ZNF114: variants seen among roughly 807,000 people sequenced by gnomAD.
The protein encoded by ZNF114 is zinc finger protein 114.
ZNF114 carries 8 observed loss-of-function variants against 6.8 expected under a neutral mutation model. The observed-to-expected ratio is 1.18, with a 90% confidence interval of 0.69 to 2.13. The LOEUF (loss-of-function observed/expected upper bound fraction) is 2.13. ZNF114 is among the 30% of genes most tolerant of loss of function. ZNF114 has a pLI of 0.00. For synonymous variants in ZNF114, 169 were observed against 185.5 expected (o/e 0.91, Z 0.72); for missense variants, 472 against 519.5 (o/e 0.91, Z 0.89).
chr19:48,277,794 G>GGGGGGTGTGTGTGTGTGTGTGT (rs1330052475), intron 3 of ZNF114, among the ~76,000 whole-genome samples: 73 of 119,406 alleles, frequency 6.1e-4, no homozygotes, highest in South Asian at 2.8e-3. Context: ...GGAGGCATTG[G>GGGGGGTGTGTGTGTGTGTGTGT]GTGTGTGTGT....
At chr19:48,273,204 G>A (rs961410606) in intron 3 of ZNF114, among the ~76,000 whole-genome samples, 9 of 152,182 alleles carry the variant, frequency 5.9e-5, no homozygotes, top group African/African-American at 2.2e-4. Flanking sequence ...AAGGAGAGTG[G>A]TGTGAAGGTG....
Position 48,279,730 on chromosome 19 carries a change from G to T in ZNF114, c.-69-1G>T. 1 of 1,610,400 alleles carries T rather than the reference G, an allele frequency of 6.2e-7. No individual in the cohort carries two copies. The highest frequency in any genetic ancestry group is 1.3e-5 in the African/African-American group (1 of 74,958). On this transcript the variant is annotated splice_acceptor_variant, in intron 3 of 5. Coordinates refer to ENST00000595607, the MANE Select transcript of ZNF114 (RefSeq NM_153608.4). LOFTEE classifies it low-confidence loss of function (5UTR_SPLICE). ...TCTCATAGCTCCATTCTTCTCCCAAGCTCTGCCTCACCTGCCTCCTTGAAG... is the reference window on the plus strand; with the variant it reads ...TCTCATAGCTCCATTCTTCTCCCAATCTCTGCCTCACCTGCCTCCTTGAAG...
intron 3 of ZNF114, among the ~76,000 whole-genome samples, chr19:48,273,757 C>CTTTTTT (rs779316334): frequency 7.9e-6 from 1 of 127,132 alleles, no homozygotes; most frequent in Non-Finnish European, 1.6e-5. Context: ...TGGGGCTTTT[C>CTTTTTT]TTTTTTTTTT....
chr19:48,285,666 AAGAG>A lies in ZNF114; in HGVS notation c.137-91_137-88del, dbSNP rs544462398. On this transcript the variant is annotated intron_variant, in intron 5 of 5. Coordinates refer to ENST00000595607, the MANE Select transcript of ZNF114 (RefSeq NM_153608.4). ...AGGGAGGGAAAGAAAGAAAGAAAGA[AAGAG>A]AGAAATCCACACGGAGATTGCCTAT... The A allele has an allele frequency of 4.5e-6, 6 of 1,348,282 alleles. No homozygotes were observed. The African/African-American group carries it at 6.0e-5, about 13-fold the overall frequency. 83.5% of individuals were successfully genotyped at this position (1,348,282 alleles called of 1,614,324 possible). A position where few individuals can be genotyped will look rare whatever the true frequency, so the allele number is the denominator to read the frequency against.
chr19:48,283,485 A>T (rs551765106), intron 5 of ZNF114, among the ~76,000 whole-genome samples: 1 of 152,234 alleles, frequency 6.6e-6, no homozygotes, highest in East Asian at 1.9e-4. Context: ...ATTTGGAGCA[A>T]GAAGTGGTCT....
chr19:48,275,311 C>T (rs1408267800), intron 3 of ZNF114, among the ~76,000 whole-genome samples: 6 of 149,886 alleles, frequency 4.0e-5, no homozygotes, highest in Non-Finnish European at 7.4e-5. Context: ...GTTGGTCAGG[C>T]TTCGTGGCTT....
intron 5 of ZNF114, 126 bp from the exon 6 acceptor site, chr19:48,285,635 C>T (rs1224874668): frequency 3.1e-5 from 32 of 1,044,660 alleles, no homozygotes; most frequent in Middle Eastern, 2.5e-4. Flanking sequence ...ATGGAAGGAG[C>T]GAGGGAGGGA....
In ZNF114 at chr19:48,282,376, G is replaced by A. The variant is rs369749924; in HGVS notation, c.15G>A (p.Ser5=). Reference sequence around the variant, plus strand: ...AACTGCATGTGTTATTTTAGGACTCGGTGACCTTCGCAGACGTGGCTGTGA... The same window carrying A: ...AACTGCATGTGTTATTTTAGGACTCAGTGACCTTCGCAGACGTGGCTGTGA... MSQD[S]VTFADVAVNF... Residue 5 remains serine, a synonymous_variant, in exon 5 of 6, where the codon TCG becomes TCA. Coordinates refer to ENST00000595607, the MANE Select transcript of ZNF114 (RefSeq NM_153608.4). 79 of 1,612,350 alleles carry A rather than the reference G, an allele frequency of 4.9e-5. No homozygotes were observed. In the South Asian group the frequency reaches 6.1e-4, roughly 12 times the overall value.
At position 48,282,462 on chromosome 19, in the gene ZNF114, T is replaced by G; in HGVS notation, c.101T>G (p.Val34Gly). Residue 34 changes from valine to glycine, a missense_variant, in exon 5 of 6, where the codon GTG (valine) becomes GGG (glycine). Physicochemically the swap from Val to Gly is moderately radical, Grantham distance 109. Transcript: ENST00000595607. ...DPAQRNLYRD[V>G]MLENSRNLAF... Reference sequence around the variant, plus strand: ...GCTCAGAGGAATCTCTACAGAGACGTGATGCTGGAAAATTCTAGGAACTTG... The same window carrying G: ...GCTCAGAGGAATCTCTACAGAGACGGGATGCTGGAAAATTCTAGGAACTTG... The G allele has an allele frequency of 6.2e-7, 1 of 1,610,474 alleles. No homozygotes were observed.
rs778029225 is a variant in ZNF114 at position 48,286,060 on chromosome 19, A to G, written c.436A>G (p.Ile146Val). 1.9e-5 allele frequency: 31 copies of G among 1,613,984 alleles called. No individual in the cohort carries two copies. In the Middle Eastern group the frequency reaches 6.6e-4, roughly 34 times the overall value. ...GCTTGTGCCTTCACAGGGAGATTCC[A>G]TAAGACAATGTATCCTAACACGTGA... ...CRLVPSQGDS[I>V]RQCILTRDSS... The change falls in exon 6 of 6, where the codon ATA (isoleucine) becomes GTA (valine). Residue 146 changes from isoleucine (I) to valine (V), a missense_variant. Physicochemically the swap from Ile to Val is conservative, Grantham distance 29. Transcript: ENST00000595607.
chr19:48,270,761 GAGAA>G (rs142099276), intron 1 of ZNF114, among the ~76,000 whole-genome samples: 102,740 of 149,712 alleles, frequency 0.69, 35,614 homozygotes, highest in East Asian at 0.76. Flanking sequence ...AGAGAAAAAA[GAGAA>G]AGAAAGAAAG....
chr19:48,275,128 T>TGA (rs1342034883), intron 3 of ZNF114, among the ~76,000 whole-genome samples: 2 of 130,232 alleles, frequency 1.5e-5, no homozygotes, highest in East Asian at 4.7e-4. Flanking sequence ...GGCAGCAGAG[T>TGA]GAGACCCTGT....
At chr19:48,271,142 G>A (rs1389833364) in intron 1 of ZNF114, 103 bp from the exon 2 acceptor site, 3 of 152,262 alleles carry the variant, frequency 2.0e-5, no homozygotes, top group Non-Finnish European at 4.4e-5. Flanking sequence ...TTGCGGTTTA[G>A]CCGCTAGTCA....
chr19:48,286,131 A>C lies in ZNF114; in HGVS notation c.507A>C (p.Lys169Asn). 2 of 1,614,198 alleles carry C rather than the reference A, an allele frequency of 1.2e-6. No homozygotes were observed. Among genetic ancestry groups the C allele is most frequent in the Middle Eastern group, 1.6e-4 (1 of 6,062 alleles). ...ATCCTGTCTTAAACGATAGTCAAAA[A>C]ACACATGAAAACAACGAAGACGATG... ...KYNPVLNDSQ[K>N]THENNEDDGV... Residue 169 changes from lysine (K) to asparagine (N), a missense_variant, in exon 6 of 6, where the codon AAA (lysine) becomes AAC (asparagine). Coordinates refer to ENST00000595607, the MANE Select transcript of ZNF114 (RefSeq NM_153608.4).
At chr19:48,277,940 T>TA (rs1967891033) in intron 3 of ZNF114, among the ~76,000 whole-genome samples, 1 of 148,534 alleles carries the variant, frequency 6.7e-6, no homozygotes, top group Admixed American at 6.8e-5. Flanking sequence ...ATATTTGAAA[T>TA]TTTTTTTTTT....
intron 1 of ZNF114, among the ~76,000 whole-genome samples, chr19:48,270,648 G>C (rs1001605865): frequency 3.2e-5 from 4 of 126,186 alleles, no homozygotes; most frequent in Non-Finnish European, 3.3e-5. Flanking sequence ...AAGGGAGAGA[G>C]AGAAAGAAAA....
intron 3 of ZNF114, among the ~76,000 whole-genome samples, chr19:48,274,086 G>GTA (rs949386679): frequency 4.7e-5 from 7 of 148,616 alleles, no homozygotes; most frequent in African/African-American, 9.8e-5. Context: ...TTTTATACAT[G>GTA]TATATATATA....
chr19:48,285,606 A>T (rs994346157), intron 5 of ZNF114, among the ~76,000 whole-genome samples, 155 bp from the exon 6 acceptor site: 2 of 151,518 alleles, frequency 1.3e-5, no homozygotes, highest in African/African-American at 4.8e-5. Flanking sequence ...AAAGGAAGGA[A>T]GGAAGGAAGA....
chr19:48,279,569 G>C (rs1187930501), intron 3 of ZNF114, among the ~76,000 whole-genome samples, 162 bp from the exon 4 acceptor site: 1 of 127,792 alleles, frequency 7.8e-6, no homozygotes, highest in Non-Finnish European at 1.7e-5. Flanking sequence ...GTGTGTGGGT[G>C]TGTGGGTGGG....
Sources: allele counts gnomAD v4.1 joint callset (sites outside exome capture counted in the v4.1 genomes callset), GRCh38; gene constraint gnomAD v4.1.1; transcripts MANE v1.5; gene names NCBI Gene and HGNC (gene_info 2026-07-23, HGNC 2026-07-21).